TSPAN18: variants seen among roughly 807,000 people sequenced by gnomAD.
The protein encoded by TSPAN18 is tetraspanin-18.
TSPAN18 carries 14 observed loss-of-function variants against 27.3 expected under a neutral mutation model. The ratio of observed to expected loss-of-function variants is 0.51; its 90% CI spans 0.34 to 0.80. The LOEUF (loss-of-function observed/expected upper bound fraction) is 0.80. TSPAN18 is among the 30% of genes least tolerant of loss of function. TSPAN18 has a pLI of 0.01. For missense variants in TSPAN18, 268 were observed against 323.9 expected (o/e 0.83, Z 1.32); for synonymous variants, 143 against 136.5 (o/e 1.05, Z -0.33).
At chr11:44,920,257 C>T (rs1027674050) in intron 8 of TSPAN18, among the ~76,000 whole-genome samples, 3 of 152,094 alleles carry the variant, frequency 2.0e-5, no homozygotes, top group African/African-American at 7.2e-5. Flanking sequence ...CAGGCTGGGG[C>T]TAAGGGGTGA....
intron 3 of TSPAN18, among the ~76,000 whole-genome samples, chr11:44,890,333 T>C (rs1858802495): frequency 6.6e-6 from 1 of 152,232 alleles, no homozygotes; most frequent in South Asian, 2.1e-4. Context: ...TTTCTTCCAT[T>C]ATGAACACAA....
intron 5 of TSPAN18, among the ~76,000 whole-genome samples, chr11:44,916,269 G>A (rs796561539): frequency 2.6e-5 from 4 of 152,214 alleles, no homozygotes; most frequent in African/African-American, 9.6e-5. Context: ...GAATCAGGGA[G>A]GGAATTGGAC....
intron 1 of TSPAN18, among the ~76,000 whole-genome samples, chr11:44,746,855 TC>T (rs1225837843): frequency 2.0e-5 from 3 of 152,180 alleles, no homozygotes; most frequent in Non-Finnish European, 4.4e-5. Flanking sequence ...TTTGCCCACT[TC>T]CCCCACTGCT....
At chr11:44,767,845 T>C (rs1309203992) in intron 2 of TSPAN18, among the ~76,000 whole-genome samples, 1 of 152,246 alleles carries the variant, frequency 6.6e-6, no homozygotes, top group African/African-American at 2.4e-5. Flanking sequence ...CTTGGCACTA[T>C]TTGTTGAAGA....
chr11:44,802,609 G>GCACACACACACACACACACACACACA lies in TSPAN18; in HGVS notation c.-153+38100_-153+38125dup, dbSNP rs3222524. ...TGGGAGTGGGGGGCTGGGAAGCACT[G>GCACACACACACACACACACACACACA]CACACACACACACACACACACACAC... On this transcript the variant is annotated intron_variant, in intron 2 of 9. Transcript: ENST00000520358. Among the ~76,000 whole-genome samples the GCACACACACACACACACACACACACA allele has an allele frequency of 2.1e-3, 301 of 142,676 alleles. 5 individuals carry two copies. The highest frequency in any genetic ancestry group is 7.3e-3 in the African/African-American group (275 of 37,456). The allele number at this position is 142,676 out of a possible 152,430, so 93.6% of individuals were successfully genotyped here.
intron 3 of TSPAN18, among the ~76,000 whole-genome samples, chr11:44,877,375 G>T (rs941626020): frequency 1.3e-5 from 2 of 152,224 alleles, no homozygotes; most frequent in African/African-American, 4.8e-5. Flanking sequence ...ACCTGGAGTG[G>T]TCTGTCCATG....
chr11:44,764,096 G>A (rs975524460), intron 1 of TSPAN18, among the ~76,000 whole-genome samples: 7 of 152,044 alleles, frequency 4.6e-5, no homozygotes, highest in Non-Finnish European at 8.8e-5. Context: ...CAGATCTCAC[G>A]GTATCTCACT....
chr11:44,894,587 A>C (rs1280086068), intron 3 of TSPAN18, among the ~76,000 whole-genome samples: 3 of 152,224 alleles, frequency 2.0e-5, no homozygotes, highest in Admixed American at 6.5e-5. Context: ...TCTGGGCGAC[A>C]GGAGGGGCGA....
At chr11:44,880,101 C>T (rs1302603326) in intron 3 of TSPAN18, among the ~76,000 whole-genome samples, 1 of 152,206 alleles carries the variant, frequency 6.6e-6, no homozygotes, top group Non-Finnish European at 1.5e-5. Context: ...CCATCCTGGG[C>T]CTCCATTACC....
intron 1 of TSPAN18, among the ~76,000 whole-genome samples, chr11:44,754,877 C>T (rs528506235): frequency 1.3e-5 from 2 of 152,254 alleles, no homozygotes; most frequent in East Asian, 3.9e-4. Flanking sequence ...TGGGACAATG[C>T]CCACCGATGG....
chr11:44,846,361 GTGGCT>G (rs1280104649), intron 2 of TSPAN18, among the ~76,000 whole-genome samples: 15 of 152,220 alleles, frequency 9.9e-5, no homozygotes, highest in Non-Finnish European at 1.9e-4. Flanking sequence ...TTTAATGAAC[GTGGCT>G]GTACCTTCTT....
intron 2 of TSPAN18, among the ~76,000 whole-genome samples, chr11:44,790,169 G>GTGTGTGTGTGCGCA (rs1856162235): frequency 6.7e-6 from 1 of 148,906 alleles, no homozygotes; most frequent in Non-Finnish European, 1.5e-5. Context: ...GTGTGTGCAT[G>GTGTGTGTGTGCGCA]TGTGTGTGTG....
intron 3 of TSPAN18, among the ~76,000 whole-genome samples, chr11:44,905,265 C>T (rs1445079226): frequency 6.6e-6 from 1 of 152,100 alleles, no homozygotes; most frequent in African/African-American, 2.4e-5. Context: ...AGAAAGTAAT[C>T]AGACACCATC....
chr11:44,819,048 G>A (rs1590525513), intron 2 of TSPAN18, among the ~76,000 whole-genome samples: 1 of 152,196 alleles, frequency 6.6e-6, no homozygotes. Context: ...GGATTGTTTA[G>A]AACATTCCCT....
intron 1 of TSPAN18, among the ~76,000 whole-genome samples, chr11:44,755,376 G>A (rs558314603): frequency 6.6e-6 from 1 of 152,088 alleles, no homozygotes; most frequent in Non-Finnish European, 1.5e-5. Context: ...GGCTGATTGG[G>A]ACTCATTCTG....
At chr11:44,779,230 T>G (rs1219307930) in intron 2 of TSPAN18, among the ~76,000 whole-genome samples, 1 of 152,154 alleles carries the variant, frequency 6.6e-6, no homozygotes, top group African/African-American at 2.4e-5. Context: ...GGCTGTGTTC[T>G]CAGTTTACCC....
chr11:44,923,877 C>A (rs1860240796), intron 8 of TSPAN18, among the ~76,000 whole-genome samples: 1 of 152,156 alleles, frequency 6.6e-6, no homozygotes, highest in Non-Finnish European at 1.5e-5. Context: ...CATTGGGCAA[C>A]CTGGGCTGCT....
chr11:44,927,645 T>C (rs11822174), intron 9 of TSPAN18, among the ~76,000 whole-genome samples: 10,357 of 152,254 alleles, frequency 0.068, 1,221 homozygotes, highest in African/African-American at 0.24. Flanking sequence ...CTGAGCCCTA[T>C]TCTTCGCCAG....
intron 3 of TSPAN18, among the ~76,000 whole-genome samples, chr11:44,902,924 C>T (rs562562784): frequency 1.3e-5 from 2 of 152,254 alleles, no homozygotes. Flanking sequence ...GAGGAGGATA[C>T]GAATGACTGG....
Sources: gnomAD v4.1 joint callset for allele counts (sites outside exome capture counted in the v4.1 genomes callset) on GRCh38, gnomAD v4.1.1 for gene constraint, MANE v1.5 for transcripts, NCBI Gene and HGNC (gene_info 2026-07-23, HGNC 2026-07-21) for gene names.